Variants in CDYL observed in about 807,000 individuals in gnomAD.
CDYL encodes the protein chromodomain Y-like protein.
Under a neutral mutation model 47.3 loss-of-function variants are expected in CDYL, and 8 were observed. The observed-to-expected ratio is 0.17, with a 90% CI of 0.10 to 0.31. The LOEUF (loss-of-function observed/expected upper bound fraction) is 0.31. Among genes scored for constraint, CDYL ranks in the 10% least tolerant of loss-of-function variants. The probability of loss-of-function intolerance (pLI) is 1.00; values close to 1 mark genes in which losing one functional copy is unlikely to be tolerated. For missense variants in CDYL, 471 were observed against 701.4 expected (o/e 0.67, Z 3.71); for synonymous variants, 266 against 265.0 (o/e 1.00, Z -0.04).
At chr6:4,798,564 C>G (rs1351986212) in intron 1 of CDYL, among the ~76,000 whole-genome samples, 1 of 152,174 alleles carries the variant, frequency 6.6e-6, no homozygotes, top group Non-Finnish European at 1.5e-5. Context: ...ATGAATTGAT[C>G]TGAAGATGTT....
intron 2 of CDYL, among the ~76,000 whole-genome samples, chr6:4,921,355 C>T (rs1757711260): frequency 6.6e-6 from 1 of 152,248 alleles, no homozygotes; most frequent in African/African-American, 2.4e-5. Flanking sequence ...AAAACCAGTC[C>T]ACTTGCCCTT....
chr6:4,841,974 ATAT>A (rs988746635), intron 1 of CDYL, among the ~76,000 whole-genome samples: 2 of 145,762 alleles, frequency 1.4e-5, no homozygotes, highest in African/African-American at 2.5e-5. Context: ...TATTATATTA[ATAT>A]TAATAATAAA....
At chr6:4,752,427 A>T (rs1758010082) in intron 3 of CDYL, among the ~76,000 whole-genome samples, 1 of 152,176 alleles carries the variant, frequency 6.6e-6, no homozygotes, top group African/African-American at 2.4e-5. Flanking sequence ...CTGAACTTGT[A>T]CTTTAACAGG....
intron 1 of CDYL, among the ~76,000 whole-genome samples, chr6:4,889,296 C>T (rs1417394866): frequency 1.3e-5 from 2 of 151,748 alleles, no homozygotes; most frequent in Admixed American, 6.6e-5. Flanking sequence ...TCGATCTTGG[C>T]TCACCGCAAC....
chr6:4,768,813 A>C lies in CDYL; in HGVS notation c.186+33969A>C, dbSNP rs140169767. ...AAATCTGACAAGCACTGTATTTGCTAGGTGATCAAGGTCAACATCAGCAGT... is the reference window on the plus strand; with the variant it reads ...AAATCTGACAAGCACTGTATTTGCTCGGTGATCAAGGTCAACATCAGCAGT... On this transcript the variant is annotated intron_variant, in intron 3 of 8. Transcript: ENST00000328908. Among the ~76,000 whole-genome samples, 33 of 152,288 alleles carry C rather than the reference A, an allele frequency of 2.2e-4. No homozygotes were observed. In the East Asian group the frequency reaches 6.0e-3, roughly 28 times the overall value.
chr6:4,787,365 C>G (rs1452657137), intron 1 of CDYL, among the ~76,000 whole-genome samples: 1 of 152,288 alleles, frequency 6.6e-6, no homozygotes, highest in East Asian at 1.9e-4. Context: ...TGCGACACCA[C>G]TGGTTTCTGC....
chr6:4,763,250 A>G (rs748360350), intron 3 of CDYL, among the ~76,000 whole-genome samples: 8 of 152,222 alleles, frequency 5.3e-5, no homozygotes, highest in Non-Finnish European at 1.0e-4. Context: ...AGATGTTTTT[A>G]TAGCAGAAGG....
chr6:4,819,156 C>CTGTG (rs1261981708), intron 1 of CDYL, among the ~76,000 whole-genome samples: 10 of 131,046 alleles, frequency 7.6e-5, no homozygotes, highest in African/African-American at 2.8e-4. Flanking sequence ...CTCTCTCTCT[C>CTGTG]TCTCTCTGTG....
At chr6:4,892,493 G>A in intron 2 of CDYL, 114 bp downstream of exon 2, 2 of 1,124,910 alleles carry the variant, frequency 1.8e-6, no homozygotes, top group Non-Finnish European at 2.5e-6. Flanking sequence ...GGCATCTGCT[G>A]GAGCCTTGCA....
chr6:4,861,890 G>C (rs1469707585), intron 1 of CDYL, among the ~76,000 whole-genome samples: 1 of 152,176 alleles, frequency 6.6e-6, no homozygotes, highest in Non-Finnish European at 1.5e-5. Context: ...ATCTGGTTAA[G>C]TTACAAAGAC....
intron 1 of CDYL, among the ~76,000 whole-genome samples, chr6:4,867,779 T>G (rs1761362400): frequency 6.6e-6 from 1 of 151,480 alleles, no homozygotes; most frequent in African/African-American, 2.4e-5. Flanking sequence ...GGGGTTTTTT[T>G]TTTTTTTTTG....
At chr6:4,800,278 T>A (rs1250122199) in intron 1 of CDYL, among the ~76,000 whole-genome samples, 2 of 152,174 alleles carry the variant, frequency 1.3e-5, no homozygotes, top group African/African-American at 4.8e-5. Flanking sequence ...TAATTTTAAT[T>A]CTTCTGTTGG....
chr6:4,731,644 C>T (rs1039290055), intron 2 of CDYL, among the ~76,000 whole-genome samples: 4 of 152,024 alleles, frequency 2.6e-5, no homozygotes, highest in African/African-American at 9.7e-5. Flanking sequence ...ATTAAAAATA[C>T]AATAATTAGC....
intron 2 of CDYL, chr6:4,715,986 C>T (rs964299324): frequency 8.8e-6 from 13 of 1,477,140 alleles, no homozygotes; most frequent in Middle Eastern, 2.0e-4. Flanking sequence ...CGGTGGCTCA[C>T]GCCTATAATC....
upstream of CDYL, chr6:4,773,123 G>T: frequency 2.2e-6 from 1 of 457,374 alleles, no homozygotes; most frequent in Non-Finnish European, 4.4e-6. This position sits in a 1 kb window ranked among gnomAD's most constrained non-coding sequence, Gnocchi z 4.6. Flanking sequence ...CAATTGTTTG[G>T]ATTTGAGGAG....
chr6:4,895,175 GTA>G lies in CDYL; in HGVS notation c.691+2802_691+2803del, dbSNP rs67205784. ...TACACATACATGTACATATGTGTAT[GTA>G]TATATGTGTATATATGTATACATGA... On this transcript the variant is annotated intron_variant, in intron 2 of 6. Coordinates refer to ENST00000397588, the MANE Select transcript of CDYL (RefSeq NM_004824.4). Among the ~76,000 whole-genome samples, 37 of 7,706 alleles carry G rather than the reference GTA, an allele frequency of 4.8e-3. 8 individuals are homozygous for G. The highest frequency in any genetic ancestry group is 5.1e-3 in the African/African-American group (35 of 6,880). The allele number at this position is 7,706 out of a possible 152,430, so 5.1% of individuals were successfully genotyped here.
At chr6:4,726,790 A>G (rs777068401) in intron 2 of CDYL, among the ~76,000 whole-genome samples, 3 of 152,152 alleles carry the variant, frequency 2.0e-5, no homozygotes, top group Non-Finnish European at 2.9e-5. Context: ...CAATGATATC[A>G]TCATGGCAGC....
chr6:4,854,783 A>G (rs1760957366), intron 1 of CDYL, among the ~76,000 whole-genome samples: 1 of 152,108 alleles, frequency 6.6e-6, no homozygotes, highest in Non-Finnish European at 1.5e-5. Flanking sequence ...AAAACCAGCC[A>G]CCCCAGGGGT....
intron 3 of CDYL, among the ~76,000 whole-genome samples, chr6:4,736,932 T>G (rs1250103152): frequency 3.3e-5 from 5 of 152,194 alleles, no homozygotes; most frequent in Non-Finnish European, 1.5e-5. Flanking sequence ...CAAGCAACTC[T>G]GAGATGACAG....
Sources: allele counts gnomAD v4.1 joint callset (sites outside exome capture counted in the v4.1 genomes callset), GRCh38; gene constraint gnomAD v4.1.1; non-coding constraint Gnocchi (gnomAD v3.1); transcripts MANE v1.5; gene names NCBI Gene and HGNC (gene_info 2026-07-23, HGNC 2026-07-21).